The following TMEM9B variants were observed in gnomAD, a reference collection of about 807,000 sequenced individuals.
TMEM9B encodes the protein TMEM9 domain family member B, also known as transmembrane protein 9B.
A neutral mutation model predicts 23.5 loss-of-function variants in TMEM9B; 8 were observed. The ratio of observed to expected loss-of-function variants is 0.34; its 90% CI spans 0.20 to 0.61. The LOEUF (loss-of-function observed/expected upper bound fraction) is 0.61, where lower values mean the gene tolerates loss of function less well. Ranked by LOEUF, TMEM9B falls within the 20% of genes least tolerant of loss-of-function variation. The pLI is 0.78. For synonymous variants in TMEM9B, 106 were observed against 96.3 expected, an observed-to-expected ratio of 1.10 and a Z score of -0.59; for missense variants, 197 against 252.3, an observed-to-expected ratio of 0.78 and a Z score of 1.49.
chr11:8,953,093 G>A, intron 4 of TMEM9B, 110 bp downstream of exon 4: 1 of 1,349,850 alleles, frequency 7.4e-7, no homozygotes, highest in Non-Finnish European at 1.1e-6. Context: ...CTCTAGTTGA[G>A]GATCTGCTTC....
chr11:8,954,837 A>T (rs757929318), intron 3 of TMEM9B, among the ~76,000 whole-genome samples: 59 of 151,944 alleles, frequency 3.9e-4, no homozygotes, highest in Non-Finnish European at 7.6e-4. Flanking sequence ...TTTTGGGGGG[A>T]AAGGAATGGG....
rs1032979757 is a variant in TMEM9B, at chr11:8,964,372, C to T, written c.-59G>A. ...CCCCGCGACCGGCTCCCGGCTCGGG[C>T]TCAGGCTCAGGCTCAGGCTCAGGCA... is the stretch of plus-strand genomic sequence containing the variant. On this transcript the variant is annotated 5_prime_UTR_variant, in exon 1 of 5. Coordinates refer to ENST00000534025, the MANE Select transcript of TMEM9B (RefSeq NM_020644.3). 2.0e-6 allele frequency: 3 copies of T among 1,489,636 alleles called. No individual in the cohort carries two copies. The highest frequency in any genetic ancestry group is 1.6e-5 in the African/African-American group (1 of 63,584). 92.3% of individuals were successfully genotyped at this position (1,489,636 alleles called of 1,614,324 possible).
At chr11:8,952,974 T>C (rs926643880) in intron 4 of TMEM9B, 8 of 622,538 alleles carry the variant, frequency 1.3e-5, no homozygotes, top group Non-Finnish European at 2.3e-5. Flanking sequence ...AGCAAGGCCC[T>C]GTATAGCATG....
intron 4 of TMEM9B, among the ~76,000 whole-genome samples, chr11:8,951,651 G>A (rs1384479935): frequency 4.0e-5 from 6 of 151,834 alleles, no homozygotes; most frequent in African/African-American, 1.4e-4. Context: ...CCAGCTACTT[G>A]GGAGGCTGAG....
intron 4 of TMEM9B, among the ~76,000 whole-genome samples, chr11:8,949,105 G>A (rs1853829745): frequency 6.6e-6 from 1 of 152,178 alleles, no homozygotes. Flanking sequence ...TCCCCAATGT[G>A]TAATGAAAAG....
intron 2 of TMEM9B, among the ~76,000 whole-genome samples, chr11:8,958,243 A>G (rs181290797): frequency 2.5e-4 from 38 of 150,588 alleles, no homozygotes; most frequent in South Asian, 6.3e-4. Context: ...CGGTTGGATC[A>G]TGAGGTCAGG....
chr11:8,956,513 T>C (rs953567731), intron 2 of TMEM9B, among the ~76,000 whole-genome samples: 1 of 152,124 alleles, frequency 6.6e-6, no homozygotes, highest in Non-Finnish European at 1.5e-5. Context: ...GTCACACATA[T>C]AGTAGTGTCT....
chr11:8,954,846 G>A lies in TMEM9B; in HGVS notation c.306+1344C>T, dbSNP rs151289613. On this transcript the variant is annotated intron_variant, in intron 3 of 4. Transcript: ENST00000534025. Reference sequence around the variant, plus strand: ...AGGGCCTTTTGGGGGGAAAGGAATGGGAAGTGCCATGTAAAAAAAAATTAG... The same window carrying A: ...AGGGCCTTTTGGGGGGAAAGGAATGAGAAGTGCCATGTAAAAAAAAATTAG... Among the ~76,000 whole-genome samples, 447 of 152,146 alleles carry A rather than the reference G, an allele frequency of 2.9e-3. 1 individual carries two copies. Among genetic ancestry groups the A allele is most frequent in the African/African-American group, 0.01 (419 of 41,506 alleles).
intron 2 of TMEM9B, among the ~76,000 whole-genome samples, chr11:8,958,622 G>A (rs1412744993): frequency 1.3e-5 from 2 of 148,806 alleles, no homozygotes; most frequent in Non-Finnish European, 3.0e-5. Flanking sequence ...GCCCAGGCTG[G>A]AGTGCAATGG....
intron 2 of TMEM9B, among the ~76,000 whole-genome samples, chr11:8,961,048 C>A (rs917649006): frequency 1.3e-5 from 2 of 152,210 alleles, no homozygotes; most frequent in Non-Finnish European, 2.9e-5. Context: ...ATGGCCAAAT[C>A]GCTTGGTTAA....
At position 8,964,315 on chromosome 11, in the gene TMEM9B, G is replaced by A. The variant is rs1366741582; in HGVS notation, c.-2C>T. The A allele has an allele frequency of 1.9e-6, 3 of 1,567,474 alleles. No homozygotes were observed. Among genetic ancestry groups the A allele is most frequent in the Non-Finnish European group, 1.7e-6 (2 of 1,157,426 alleles). On this transcript the variant is annotated 5_prime_UTR_variant, in exon 1 of 5. Transcript: ENST00000534025. Reference sequence around the variant, plus strand: ...AAGGCCTCCCCACAGGGTCGCCATCGCTGGGGGCCCAGCGGTCCCACAGCC... The same window carrying A: ...AAGGCCTCCCCACAGGGTCGCCATCACTGGGGGCCCAGCGGTCCCACAGCC...
Position 8,963,881 on chromosome 11 carries a change from T to G in TMEM9B, c.105+328A>C. 1.6e-5 allele frequency: 5 copies of G among 305,928 alleles called. No individual in the cohort carries two copies. The South Asian group carries it at 1.6e-4, about 10-fold the overall frequency. The allele number at this position is 305,928 out of a possible 1,614,324, so 19.0% of individuals were successfully genotyped here. A position where few individuals can be genotyped will look rare whatever the true frequency, so the allele number is the denominator to read the frequency against. ...GTGGAAAGTTAAAGGCTCTCGGAGG[T>G]GAAAAGGTTGTCAAGTGTAAGATGC... On this transcript the variant is annotated intron_variant, in intron 1 of 4. Transcript: ENST00000534025.
chr11:8,964,566 C>T, upstream of TMEM9B: 1 of 1,095,544 alleles, frequency 9.1e-7, no homozygotes, highest in Non-Finnish European at 1.2e-6. Context: ...CTAGCCCCGG[C>T]CCCGGGACGG....
At chr11:8,961,850 T>A (rs1194904728) in intron 2 of TMEM9B, among the ~76,000 whole-genome samples, 1 of 152,144 alleles carries the variant, frequency 6.6e-6, no homozygotes, top group Non-Finnish European at 1.5e-5. Flanking sequence ...ACAAACCCAG[T>A]CATATGCTCC....
intron 3 of TMEM9B, among the ~76,000 whole-genome samples, chr11:8,955,885 A>C (rs1237473108): frequency 6.6e-6 from 1 of 152,188 alleles, no homozygotes; most frequent in African/African-American, 2.4e-5. Context: ...AAGGGCTGGA[A>C]AGGCAAGGAG....
intron 2 of TMEM9B, among the ~76,000 whole-genome samples, chr11:8,960,848 A>AT (rs1379291571): frequency 6.6e-6 from 1 of 151,206 alleles, no homozygotes; most frequent in East Asian, 1.9e-4. Context: ...AGCCCGGCTA[A>AT]TTTTTTTTGT....
chr11:8,960,988 A>G (rs909904415), intron 2 of TMEM9B, among the ~76,000 whole-genome samples: 2 of 152,160 alleles, frequency 1.3e-5, no homozygotes, highest in African/African-American at 2.4e-5. Flanking sequence ...CCCGGCCTGA[A>G]CATTCTTGTA....
At chr11:8,956,812 T>C (rs889330583) in intron 2 of TMEM9B, among the ~76,000 whole-genome samples, 1 of 152,194 alleles carries the variant, frequency 6.6e-6, no homozygotes, top group African/African-American at 2.4e-5. Flanking sequence ...CTCAGACTCC[T>C]GGGCTCAAGT....
intron 2 of TMEM9B, among the ~76,000 whole-genome samples, chr11:8,958,460 C>CA (rs965076803): frequency 7.2e-4 from 94 of 130,482 alleles, no homozygotes; most frequent in East Asian, 1.1e-3. Context: ...GACTCTGTCT[C>CA]AAAAAAAAAA....
Sources: gnomAD v4.1 joint callset for allele counts (sites outside exome capture counted in the v4.1 genomes callset) on GRCh38, gnomAD v4.1.1 for gene constraint, MANE v1.5 for transcripts, NCBI Gene and HGNC (gene_info 2026-07-23, HGNC 2026-07-21) for gene names.